The following GUF1 variants were observed in gnomAD, a reference collection of about 807,000 sequenced individuals.
GUF1 encodes the protein GTP binding elongation factor GUF1, also known as translation factor GUF1, mitochondrial.
In GUF1, 78 loss-of-function variants were observed where a neutral mutation model predicts 82.4. The observed-to-expected ratio is 0.95, with a 90% confidence interval of 0.79 to 1.14. The LOEUF (loss-of-function observed/expected upper bound fraction) is 1.14, where lower values mean the gene tolerates loss of function less well. GUF1 is among the 50% of genes most tolerant of loss of function. GUF1 has a pLI of 0.00. For missense variants in GUF1, 814 were observed against 798.2 expected (o/e 1.02, Z -0.24); for synonymous variants, 279 against 282.3 (o/e 0.99, Z 0.12).
At position 44,698,403 on chromosome 4, in the gene GUF1, C is replaced by T. The variant is rs556766544; in HGVS notation, c.1873-141C>T. Reference sequence around the variant, plus strand: ...CTTTGAGAAGACAGTAAAATTAGATCTGCTAGGAAGATTAGAGAGATGTCT... The same window carrying T: ...CTTTGAGAAGACAGTAAAATTAGATTTGCTAGGAAGATTAGAGAGATGTCT... On this transcript the variant is annotated intron_variant, in intron 16 of 16. Coordinates refer to ENST00000281543, the MANE Select transcript of GUF1 (RefSeq NM_021927.3). 9.9e-6 allele frequency: 6 copies of T among 606,178 alleles called. No homozygotes were observed. In the South Asian group the frequency reaches 1.6e-4, roughly 16 times the overall value. The allele number at this position is 606,178 out of a possible 1,614,324, so 37.5% of individuals were successfully genotyped here.
At position 44,690,813 on chromosome 4, in the gene GUF1, A is replaced by T; in HGVS notation, c.1432A>T (p.Ile478Phe). Residue 478 changes from isoleucine (I) to phenylalanine (F), a missense_variant, in exon 12 of 17, where the codon ATT becomes TTT. Physicochemically the swap from Ile to Phe is conservative, Grantham distance 21 (BLOSUM62 0). Transcript: ENST00000281543. ...EYLEPVVLGT[I>F]ITPDEYTGKI... ...TTTGGAGCCAGTTGTTTTGGGCACT[A>T]TTATCACACCAGATGAATACACTGG... is the stretch of plus-strand genomic sequence containing the variant. The T allele has an allele frequency of 6.2e-7, 1 of 1,606,384 alleles. No homozygotes were observed. The highest frequency in any genetic ancestry group is 8.5e-7 in the Non-Finnish European group (1 of 1,174,466).
chr4:44,684,309 A>G (rs541242646), intron 6 of GUF1, among the ~76,000 whole-genome samples: 1 of 152,242 alleles, frequency 6.6e-6, no homozygotes, highest in Non-Finnish European at 1.5e-5. Context: ...ACGTGGAGGA[A>G]TGAATAATTT....
intron 16 of GUF1, among the ~76,000 whole-genome samples, 161 bp from the exon 17 acceptor site, chr4:44,698,383 A>C (rs1395416488): frequency 6.6e-6 from 1 of 152,046 alleles, no homozygotes; most frequent in African/African-American, 2.4e-5. Flanking sequence ...TCATTCTTTG[A>C]GAAGACAGTA....
intron 10 of GUF1, among the ~76,000 whole-genome samples, 177 bp downstream of exon 10, chr4:44,689,586 C>T (rs917589664): frequency 2.6e-5 from 4 of 151,488 alleles, no homozygotes; most frequent in African/African-American, 9.7e-5. Context: ...GTAAAGTGAA[C>T]GAAAACAATT....
chr4:44,695,755 G>A, intron 15 of GUF1, 21 bp downstream of exon 15: 1 of 1,603,414 alleles, frequency 6.2e-7, no homozygotes, highest in Non-Finnish European at 8.5e-7. Flanking sequence ...ATTCATTTTT[G>A]GTCTTGAGCC....
intron 1 of GUF1, 128 bp downstream of exon 1, chr4:44,678,915 A>G: frequency 1.1e-6 from 1 of 938,186 alleles, no homozygotes; most frequent in Non-Finnish European, 1.5e-6. Flanking sequence ...ACAGGGAGGC[A>G]GAGCGGAGAG....
Position 44,686,706 on chromosome 4 carries a change from CAT to C in GUF1, c.933_934del (p.His311GlnfsTer19). 6.3e-7 allele frequency: 1 copy of C among 1,598,466 alleles called. No individual in the cohort carries two copies. The highest frequency in any genetic ancestry group is 8.6e-7 in the Non-Finnish European group (1 of 1,166,476). On this transcript the variant is annotated frameshift_variant, in exon 8 of 17. Transcript: ENST00000281543. LOFTEE classifies it high-confidence loss of function. Reference protein sequence around the residue: ...GVLNPNEQPTHKLYAGQVGYL... With the variant: ...GVLNPNEQPTXKLYAGQVGYL... Reference sequence around the variant, plus strand: ...CTTGAATCCTAATGAGCAGCCAACTCATAAATTGTAAGTAATCTGCATTAGTA... The same window carrying C: ...CTTGAATCCTAATGAGCAGCCAACTCAAATTGTAAGTAATCTGCATTAGTA...
At chr4:44,690,679 T>C (rs781503808) in intron 11 of GUF1, 38 bp from the exon 12 acceptor site, 122 of 1,224,762 alleles carry the variant, frequency 1.0e-4, no homozygotes, top group Non-Finnish European at 1.4e-4. Context: ...AATCATTATA[T>C]TAAGATTTTA....
At chr4:44,697,377 A>G (rs764023028) in intron 15 of GUF1, 31 bp from the exon 16 acceptor site, 1 of 1,464,792 alleles carries the variant, frequency 6.8e-7, no homozygotes, top group Non-Finnish European at 9.4e-7. Flanking sequence ...TAATGGAATT[A>G]TGTACTTAAA....
In GUF1 at chr4:44,689,410, G is replaced by T. The variant is rs756906682; in HGVS notation, c.1202+1G>T. The T allele has an allele frequency of 6.2e-7, 1 of 1,600,994 alleles. No individual in the cohort carries two copies. Among genetic ancestry groups the T allele is most frequent in the South Asian group, 1.1e-5 (1 of 89,356 alleles). On this transcript the variant is annotated splice_donor_variant, in intron 10 of 16. Coordinates refer to ENST00000281543, the MANE Select transcript of GUF1 (RefSeq NM_021927.3). LOFTEE classifies it high-confidence loss of function. ...GCCTTGCTCTGGGTGCTGGCTGGAG[G>T]TAAGATTCATTCACATGTGTTTTAT... is the stretch of plus-strand genomic sequence containing the variant.
rs114255777 is a variant in GUF1, at chr4:44,692,456, A to G, written c.1613+657A>G. ...GCATATAACTCTAGATACCCTCACT[A>G]TGCCCTAAAATCTTATGTTACGGGA... is the stretch of plus-strand genomic sequence containing the variant. On this transcript the variant is annotated intron_variant, in intron 13 of 16. Coordinates refer to ENST00000281543, the MANE Select transcript of GUF1 (RefSeq NM_021927.3). 4.3e-3 allele frequency among the ~76,000 whole-genome samples: 648 copies of G among 151,978 alleles called. 4 individuals carry two copies. Among genetic ancestry groups the G allele is most frequent in the African/African-American group, 0.015 (627 of 41,542 alleles).
At chr4:44,683,153 T>C in intron 5 of GUF1, 82 bp from the exon 6 acceptor site, 1 of 848,498 alleles carries the variant, frequency 1.2e-6, no homozygotes, top group Non-Finnish European at 1.8e-6. Context: ...GTGGGTAAGC[T>C]TTTAATTACC....
intron 1 of GUF1, among the ~76,000 whole-genome samples, chr4:44,680,181 A>G (rs2109628203): frequency 6.6e-6 from 1 of 152,274 alleles, no homozygotes; most frequent in African/African-American, 2.4e-5. Context: ...TAATAAATTC[A>G]GTTCCTGATT....
At chr4:44,693,045 T>A (rs937166905) in intron 13 of GUF1, among the ~76,000 whole-genome samples, 2 of 151,992 alleles carry the variant, frequency 1.3e-5, no homozygotes, top group African/African-American at 4.8e-5. Flanking sequence ...AAATAAAATA[T>A]TCCAGCTTCC....
At chr4:44,690,028 A>G (rs1715334343) in intron 11 of GUF1, 53 bp downstream of exon 11, 2 of 1,395,154 alleles carry the variant, frequency 1.4e-6, no homozygotes, top group Non-Finnish European at 1.9e-6. Context: ...AGTCTCTTGG[A>G]AAAAATAAAT....
chr4:44,687,000 C>T (rs770833703), intron 8 of GUF1, among the ~76,000 whole-genome samples: 3 of 151,810 alleles, frequency 2.0e-5, no homozygotes, highest in African/African-American at 7.3e-5. Context: ...GAGTTAGTTC[C>T]CTCCACCCAT....
At chr4:44,683,361 C>T (rs760577130) in intron 6 of GUF1, 43 bp downstream of exon 6, 1 of 1,140,502 alleles carries the variant, frequency 8.8e-7, no homozygotes, top group East Asian at 2.6e-5. Context: ...AAAAAAGTCT[C>T]AAGTAATTGG....
intron 6 of GUF1, 86 bp downstream of exon 6, chr4:44,683,404 G>A (rs1321275807): frequency 1.5e-6 from 1 of 676,486 alleles, no homozygotes; most frequent in East Asian, 2.9e-5. Context: ...TTGATAACCT[G>A]GCATTATATG....
intron 13 of GUF1, among the ~76,000 whole-genome samples, chr4:44,693,655 G>A (rs1313366073): frequency 6.6e-6 from 1 of 152,034 alleles, no homozygotes; most frequent in East Asian, 1.9e-4. Context: ...AAGACAATAG[G>A]AGTATACATA....
Sources: allele counts gnomAD v4.1 joint callset (sites outside exome capture counted in the v4.1 genomes callset), GRCh38; gene constraint gnomAD v4.1.1; transcripts MANE v1.5; gene names NCBI Gene and HGNC (gene_info 2026-07-23, HGNC 2026-07-21).